PLEKHG7: variants seen among roughly 807,000 people sequenced by gnomAD.
PLEKHG7 encodes the protein pleckstrin homology domain-containing family G member 7.
A neutral mutation model predicts 85.2 loss-of-function variants in PLEKHG7; 77 were observed. The observed-to-expected ratio is 0.90, with a 90% CI of 0.75 to 1.09. The LOEUF (loss-of-function observed/expected upper bound fraction) is 1.09, where lower values mean the gene tolerates loss of function less well. Ranked by LOEUF, PLEKHG7 falls within the 50% of genes least tolerant of loss-of-function variation. PLEKHG7 has a pLI of 0.00. For missense variants in PLEKHG7, 777 were observed against 804.3 expected (o/e 0.97, Z 0.41); for synonymous variants, 301 against 302.4 (o/e 1.00, Z 0.05).
intron 3 of PLEKHG7, among the ~76,000 whole-genome samples, chr12:92,713,933 T>C (rs1307801839): frequency 2.6e-5 from 4 of 152,228 alleles, no homozygotes; most frequent in African/African-American, 9.6e-5. Flanking sequence ...AAATTCAGCC[T>C]GATCCAACTC....
Position 92,720,047 on chromosome 12 carries a change from G to A in PLEKHG7, c.531-8946G>A, listed in dbSNP as rs139304282. ...AGTTGGGTGCCCTTGCCACTCAATA[G>A]GACTGCCCCATATTCGTTTCCTGTG... On this transcript the variant is annotated intron_variant, in intron 3 of 16. Transcript: ENST00000344636. Among the ~76,000 whole-genome samples, 957 of 152,258 alleles carry A rather than the reference G, an allele frequency of 6.3e-3. 15 individuals are homozygous for A. The highest frequency in any genetic ancestry group is 0.021 in the African/African-American group (890 of 41,552).
chr12:92,748,230 T>A (rs1300271627), intron 10 of PLEKHG7, among the ~76,000 whole-genome samples: 2 of 149,970 alleles, frequency 1.3e-5, no homozygotes, highest in African/African-American at 4.9e-5. Context: ...AGAGGATAAG[T>A]GCTGTTATAA....
chr12:92,734,719 T>C (rs1872089541), intron 5 of PLEKHG7, among the ~76,000 whole-genome samples: 2 of 152,186 alleles, frequency 1.3e-5, no homozygotes, highest in Admixed American at 6.5e-5. Context: ...CCTTTTCTCA[T>C]TGATTTGTCA....
chr12:92,752,463 G>A (rs1872716783), intron 10 of PLEKHG7, among the ~76,000 whole-genome samples: 1 of 152,120 alleles, frequency 6.6e-6, no homozygotes, highest in Non-Finnish European at 1.5e-5. Context: ...ATATCTAGGG[G>A]AGGAGTTTAG....
In PLEKHG7 at chr12:92,706,798, C is replaced by T. The variant is rs564917988; in HGVS notation, c.167C>T (p.Thr56Ile). Residue 56 changes from threonine (T) to isoleucine (I), a missense_variant, in exon 2 of 17, where the codon ACC becomes ATC. This residue lies in a region of PLEKHG7 where 252 missense variants were observed against 241.9 expected (regional missense o/e 1.04). Transcript: ENST00000344636. ...STSPTLRRLR[T>I]RGCGTRQDAW... ...TCGCCCACTTTGAGGAGATTAAGGA[C>T]CCGTGGCTGTGGGACAAGGCAGGAT... 22 of 1,614,032 alleles carry T rather than the reference C, an allele frequency of 1.4e-5. No individual in the cohort carries two copies. The South Asian group carries it at 2.3e-4, about 17-fold the overall frequency.
intron 4 of PLEKHG7, among the ~76,000 whole-genome samples, chr12:92,731,296 T>A (rs1201973475): frequency 6.6e-6 from 1 of 152,214 alleles, no homozygotes; most frequent in Admixed American, 6.5e-5. Flanking sequence ...ATCAATAAGC[T>A]GGTCAAAATG....
At chr12:92,766,768 TGCAGTGA>T (rs1489198786) in intron 15 of PLEKHG7, among the ~76,000 whole-genome samples, 1 of 152,200 alleles carries the variant, frequency 6.6e-6, no homozygotes, top group Non-Finnish European at 1.5e-5. Context: ...AGGCAGAGGT[TGCAGTGA>T]GCCAAGGTCG....
rs1871908034 is a variant in PLEKHG7 at position 92,729,107 on chromosome 12, G to C, written c.645G>C (p.Leu215=). Residue 215 remains leucine, a synonymous_variant, in exon 4 of 17, where the codon CTG becomes CTC. Transcript: ENST00000344636. The part of the protein sequence containing the change: ...GAADYLCHPL[L]LLNSESKKPR... ...CTGATTACCTATGCCATCCACTTCTGCTGCTGAATTCAGGTTCTGTTCATT... is the reference window on the plus strand; with the variant it reads ...CTGATTACCTATGCCATCCACTTCTCCTGCTGAATTCAGGTTCTGTTCATT... 2 of 1,231,548 alleles carry C rather than the reference G, an allele frequency of 1.6e-6. No individual in the cohort carries two copies. The highest frequency in any genetic ancestry group is 2.0e-6 in the Non-Finnish European group (2 of 987,754). The allele number at this position is 1,231,548 out of a possible 1,614,324, so 76.3% of individuals were successfully genotyped here.
chr12:92,723,626 A>G (rs1454002993), intron 3 of PLEKHG7, among the ~76,000 whole-genome samples: 1 of 152,158 alleles, frequency 6.6e-6, no homozygotes, highest in African/African-American at 2.4e-5. Context: ...CTCACACAAT[A>G]TTATTATTGT....
intron 1 of PLEKHG7, among the ~76,000 whole-genome samples, chr12:92,706,101 T>A (rs1185981897): frequency 6.6e-6 from 1 of 152,228 alleles, no homozygotes; most frequent in Non-Finnish European, 1.5e-5. Flanking sequence ...AATATGTACA[T>A]ACATACATAA....
At chr12:92,709,731 T>C (rs1341981434) in intron 3 of PLEKHG7, among the ~76,000 whole-genome samples, 1 of 152,108 alleles carries the variant, frequency 6.6e-6, no homozygotes, top group Non-Finnish European at 1.5e-5. Flanking sequence ...AAAAATAGTC[T>C]TGGTAAATTT....
rs1184465636 is a variant in PLEKHG7, at chr12:92,770,333, G to T, written c.*138G>T. 2 of 700,986 alleles carry T rather than the reference G, an allele frequency of 2.9e-6. No individual in the cohort carries two copies. Among genetic ancestry groups the T allele is most frequent in the Non-Finnish European group, 4.7e-6 (2 of 421,526 alleles). The allele number at this position is 700,986 out of a possible 1,614,324, so 43.4% of individuals were successfully genotyped here. A position where few individuals can be genotyped will look rare whatever the true frequency, so the allele number is the denominator to read the frequency against. The stretch of plus-strand genomic sequence containing the variant: ...AAGAAGTTTCAGAATTTGAAATTTT[G>T]AGCTAGGAAAATCCTCAGTATAGAG... On this transcript the variant is annotated 3_prime_UTR_variant, in exon 17 of 17. Coordinates refer to ENST00000344636, the MANE Select transcript of PLEKHG7 (RefSeq NM_001377329.1).
intron 4 of PLEKHG7, among the ~76,000 whole-genome samples, chr12:92,731,216 T>C (rs1280493332): frequency 1.3e-5 from 2 of 152,180 alleles, no homozygotes; most frequent in Non-Finnish European, 2.9e-5. Flanking sequence ...CTGCCAGGCA[T>C]GTGAAATCTA....
chr12:92,714,909 G>A (rs1218213703), intron 3 of PLEKHG7, among the ~76,000 whole-genome samples: 2 of 152,026 alleles, frequency 1.3e-5, no homozygotes, highest in Non-Finnish European at 2.9e-5. Flanking sequence ...AACTCCAGAA[G>A]CCCCAAAACC....
chr12:92,731,437 TG>T (rs1565790180), intron 4 of PLEKHG7, among the ~76,000 whole-genome samples: 1 of 152,196 alleles, frequency 6.6e-6, no homozygotes, highest in African/African-American at 2.4e-5. Context: ...CACACTCTCC[TG>T]GGGGATCTGA....
At position 92,769,487 on chromosome 12, in the gene PLEKHG7, A is replaced by C. The variant is rs1873336541; in HGVS notation, c.1968+407A>C. On this transcript the variant is annotated intron_variant, in intron 16 of 16. Coordinates refer to ENST00000344636, the MANE Select transcript of PLEKHG7 (RefSeq NM_001377329.1). ...CATATAATAGGATATTAGCTTAAGGAGGGCCTGGCGCAATAATGATCCCTG... is the reference window on the plus strand; with the variant it reads ...CATATAATAGGATATTAGCTTAAGGCGGGCCTGGCGCAATAATGATCCCTG... 1.3e-5 allele frequency among the ~76,000 whole-genome samples: 2 copies of C among 152,180 alleles called. 1 individual carries two copies. Among genetic ancestry groups the C allele is most frequent in the South Asian group, 4.1e-4 (2 of 4,824 alleles).
At chr12:92,751,170 G>A (rs989349773) in intron 10 of PLEKHG7, among the ~76,000 whole-genome samples, 1 of 152,150 alleles carries the variant, frequency 6.6e-6, no homozygotes, top group Non-Finnish European at 1.5e-5. Context: ...ATTGAACATC[G>A]GGTTCAGACA....
chr12:92,716,363 G>A (rs916137198), intron 3 of PLEKHG7, among the ~76,000 whole-genome samples: 10 of 152,202 alleles, frequency 6.6e-5, no homozygotes, highest in African/African-American at 2.4e-4. Context: ...CTCCCAAAGT[G>A]CTGGGATTAC....
rs952589809 is a variant in PLEKHG7 at position 92,753,944 on chromosome 12, T to C, written c.1252-146T>C. The C allele has an allele frequency of 9.6e-6, 7 of 726,950 alleles. No individual in the cohort carries two copies. In the Admixed American group the frequency reaches 1.3e-4, roughly 14 times the overall value. 45.0% of individuals were successfully genotyped at this position (726,950 alleles called of 1,614,324 possible). On this transcript the variant is annotated intron_variant, in intron 10 of 16. Coordinates refer to ENST00000344636, the MANE Select transcript of PLEKHG7 (RefSeq NM_001377329.1). Reference sequence around the variant, plus strand: ...ACATGCACTTTTCAGGGGATTTAATTTGTGGCTTATAAATTGTCCCAGCAA... The same window carrying C: ...ACATGCACTTTTCAGGGGATTTAATCTGTGGCTTATAAATTGTCCCAGCAA...
Sources: allele counts gnomAD v4.1 joint callset (sites outside exome capture counted in the v4.1 genomes callset), GRCh38; gene constraint gnomAD v4.1.1; regional missense constraint gnomAD v4.1.1; transcripts MANE v1.5; gene names NCBI Gene and HGNC (gene_info 2026-07-23, HGNC 2026-07-21).